Variants in METTL9 observed in about 807,000 individuals in gnomAD.
METTL9 encodes the protein methyltransferase 9, His-X-His N1(pi)-histidine, also known as protein-L-histidine N-pros-methyltransferase.
METTL9 carries 10 observed loss-of-function variants against 36.0 expected under a neutral mutation model. The observed-to-expected ratio is 0.28, with a 90% CI of 0.17 to 0.47. The LOEUF is 0.47. METTL9 is among the 20% of genes least tolerant of loss of function. The pLI is 0.99. For missense variants in METTL9, 246 were observed against 383.5 expected (o/e 0.64, Z 3.00); for synonymous variants, 175 against 149.7 (o/e 1.17, Z -1.23).
At chr16:21,648,845 A>G (rs1005558176) in intron 4 of METTL9, among the ~76,000 whole-genome samples, 1 of 152,218 alleles carries the variant, frequency 6.6e-6, no homozygotes, top group African/African-American at 2.4e-5. Flanking sequence ...AAGTCATCCA[A>G]GTGGTCTGAT....
intron 4 of METTL9, among the ~76,000 whole-genome samples, chr16:21,628,047 A>G (rs1366984502): frequency 6.6e-6 from 1 of 152,190 alleles, no homozygotes; most frequent in Non-Finnish European, 1.5e-5. Flanking sequence ...AGTCTATGTA[A>G]ATGTAAGTCT....
At chr16:21,651,076 A>C (rs929072560) in intron 4 of METTL9, among the ~76,000 whole-genome samples, 1 of 152,090 alleles carries the variant, frequency 6.6e-6, no homozygotes, top group South Asian at 2.1e-4. Context: ...ACAAAAAATT[A>C]GCCGGGTGTG....
At chr16:21,606,299 T>G (rs1406250614) in intron 1 of METTL9, among the ~76,000 whole-genome samples, 1 of 152,140 alleles carries the variant, frequency 6.6e-6, no homozygotes, top group Non-Finnish European at 1.5e-5. Flanking sequence ...ATTGCGCCAC[T>G]GCACTCCAGC....
intron 4 of METTL9, chr16:21,647,025 ATTAAC>A (rs1424457538): frequency 7.0e-7 from 1 of 1,422,434 alleles, no homozygotes; most frequent in African/African-American, 1.4e-5. Context: ...TGGCTAGGGT[ATTAAC>A]TTAGCAAATT....
intron 4 of METTL9, among the ~76,000 whole-genome samples, chr16:21,630,274 G>A (rs962884136): frequency 1.1e-4 from 16 of 152,208 alleles, no homozygotes; most frequent in Admixed American, 5.9e-4. Flanking sequence ...CGCCAAGTGC[G>A]GGGCCTGCCG....
At chr16:21,632,434 T>C (rs559288594) in intron 4 of METTL9, among the ~76,000 whole-genome samples, 1 of 152,296 alleles carries the variant, frequency 6.6e-6, no homozygotes, top group African/African-American at 2.4e-5. Flanking sequence ...ACAAATGAAC[T>C]TCCATCGGTA....
At position 21,599,755 on chromosome 16, in the gene METTL9, C is replaced by G; in HGVS notation, c.22C>G (p.Leu8Val). Residue 8 changes from leucine (L) to valine (V), a missense_variant, in exon 1 of 5, where the codon CTG becomes GTG. Transcript: ENST00000358154. The surrounding 1 kb of genome is among the most constrained non-coding windows in gnomAD (Gnocchi z 4.4). ...CCCGATGAGACTGCTGGCGGGCTGGCTGTGCCTGAGCCTGGCGTCCGTGTG... is the reference window on the plus strand; with the variant it reads ...CCCGATGAGACTGCTGGCGGGCTGGGTGTGCCTGAGCCTGGCGTCCGTGTG... Reference protein sequence around the residue: MRLLAGWLCLSLASVWLA... With the variant: MRLLAGWVCLSLASVWLA... The G allele has an allele frequency of 1.3e-6, 2 of 1,530,714 alleles. No individual in the cohort carries two copies. Among genetic ancestry groups the G allele is most frequent in the Non-Finnish European group, 1.7e-6 (2 of 1,146,840 alleles). 94.8% of individuals were successfully genotyped at this position (1,530,714 alleles called of 1,614,324 possible).
In METTL9 at chr16:21,655,409, G is replaced by A. The variant is rs1293436699; in HGVS notation, c.934G>A (p.Val312Ile). ...TGACTACTACGTTCTGGATGACGCT[G>A]TCTTTGTTCTCAAACCAGTATAAAC... ...YNDYYVLDDA[V>I]FVLKPV Residue 312 changes from valine (V) to isoleucine (I), a missense_variant, in exon 5 of 5, where the codon GTC becomes ATC. Coordinates refer to ENST00000358154, the MANE Select transcript of METTL9 (RefSeq NM_016025.5). 1 of 1,614,144 alleles carries A rather than the reference G, an allele frequency of 6.2e-7. No homozygotes were observed. The highest frequency in any genetic ancestry group is 1.1e-5 in the South Asian group (1 of 91,086).
At chr16:21,634,290 C>G (rs371651101) in intron 4 of METTL9, among the ~76,000 whole-genome samples, 1 of 152,114 alleles carries the variant, frequency 6.6e-6, no homozygotes, top group Non-Finnish European at 1.5e-5. Context: ...CATGAGCTGG[C>G]GCTTGCCCCG....
chr16:21,629,760 T>C (rs1412229529), intron 4 of METTL9, among the ~76,000 whole-genome samples: 1 of 152,156 alleles, frequency 6.6e-6, no homozygotes, highest in Non-Finnish European at 1.5e-5. Flanking sequence ...CTGGCTTGGG[T>C]GGCCTGCTTT....
chr16:21,652,623 G>A (rs1006036389), intron 4 of METTL9: 1 of 1,590,230 alleles, frequency 6.3e-7, no homozygotes, highest in Non-Finnish European at 8.6e-7. Context: ...GGGCGGGTTG[G>A]GGTGTGTATT....
At position 21,635,616 on chromosome 16, in the gene METTL9, C is replaced by A. The variant is rs185774106; in HGVS notation, c.751+10501C>A. On this transcript the variant is annotated intron_variant, in intron 4 of 4. Coordinates refer to ENST00000358154, the MANE Select transcript of METTL9 (RefSeq NM_016025.5). ...ACTTCCCTCAGGTGGCCATTTTTCC[C>A]CATCAGAGAGAGAATATTGGGGCTA... Among the ~76,000 whole-genome samples, 43 of 152,180 alleles carry A rather than the reference C, an allele frequency of 2.8e-4. No individual in the cohort carries two copies. In the East Asian group the frequency reaches 7.7e-3, roughly 27 times the overall value.
intron 1 of METTL9, among the ~76,000 whole-genome samples, chr16:21,607,449 C>T (rs920171956): frequency 5.9e-5 from 9 of 152,158 alleles, no homozygotes; most frequent in African/African-American, 1.9e-4. Context: ...GCATTCAAAA[C>T]GCGTGGCAGC....
At chr16:21,599,354 T>TA, upstream of METTL9, 3 of 999,974 alleles carry the variant, frequency 3.0e-6, no homozygotes, top group Non-Finnish European at 3.6e-6. This position sits in a 1 kb window ranked among gnomAD's most constrained non-coding sequence, Gnocchi z 4.4. Context: ...CGCCATTTAC[T>TA]AGAGGCCAAG....
intron 2 of METTL9, among the ~76,000 whole-genome samples, chr16:21,615,980 A>C (rs1009564565): frequency 6.6e-6 from 1 of 152,154 alleles, no homozygotes; most frequent in Non-Finnish European, 1.5e-5. Context: ...TAGCATTTCT[A>C]TGGGGGCAGA....
intron 4 of METTL9, chr16:21,639,680 T>C (rs1966196386): frequency 6.6e-6 from 1 of 152,206 alleles, no homozygotes; most frequent in Middle Eastern, 3.2e-3. Context: ...ACAAAACACA[T>C]GTGGCCCCAC....
intron 4 of METTL9, among the ~76,000 whole-genome samples, chr16:21,629,242 C>A (rs536050842): frequency 6.6e-6 from 1 of 151,996 alleles, no homozygotes; most frequent in Admixed American, 6.6e-5. Flanking sequence ...GAGGCCCCCA[C>A]CCCCCATCGT....
At chr16:21,637,735 G>A (rs1031100976) in intron 4 of METTL9, among the ~76,000 whole-genome samples, 49 of 152,230 alleles carry the variant, frequency 3.2e-4, no homozygotes, top group African/African-American at 1.1e-3. Flanking sequence ...GCTCCTGCCC[G>A]TGCCTCTCCC....
At chr16:21,646,747 T>A (rs1966439703) in intron 4 of METTL9, 1 of 296,708 alleles carries the variant, frequency 3.4e-6, no homozygotes, top group African/African-American at 2.2e-5. Flanking sequence ...CTTCGCCTCC[T>A]GGGTTACAAG....
Sources: gnomAD v4.1 joint callset for allele counts (sites outside exome capture counted in the v4.1 genomes callset) on GRCh38, gnomAD v4.1.1 for gene constraint, Gnocchi (gnomAD v3.1) non-coding constraint, MANE v1.5 for transcripts, NCBI Gene and HGNC (gene_info 2026-07-23, HGNC 2026-07-21) for gene names.